TET2: variants seen among roughly 807,000 people sequenced by gnomAD.
The protein encoded by TET2 is tet methylcytosine dioxygenase 2, also known as methylcytosine dioxygenase TET2.
TET2 carries 299 observed loss-of-function variants against 142.9 expected under a neutral mutation model. The ratio of observed to expected loss-of-function variants is 2.09; its 90% CI spans 1.90 to 2.30. The LOEUF is 2.30. Ranked by LOEUF, TET2 falls within the 30% of genes most tolerant of loss-of-function variation. The probability of loss-of-function intolerance (pLI) is 0.00; values close to 1 mark genes in which losing one functional copy is unlikely to be tolerated. For synonymous variants in TET2, 819 were observed against 849.0 expected (o/e 0.96, Z 0.61); for missense variants, 2,418 against 2,378.0 (o/e 1.02, Z -0.35).
At position 105,279,149 on chromosome 4, in the gene TET2, A is replaced by G. The variant is rs1364405005; in HGVS notation, c.*2630A>G. ...ACCACATGATTTTAATGTTTTTTGTATACCATAATATCTAGCCCCAAACAT... is the reference window on the plus strand; with the variant it reads ...ACCACATGATTTTAATGTTTTTTGTGTACCATAATATCTAGCCCCAAACAT... On this transcript the variant is annotated 3_prime_UTR_variant, in exon 11 of 11. Coordinates refer to ENST00000380013, the MANE Select transcript of TET2 (RefSeq NM_001127208.3). 8.6e-6 allele frequency: 2 copies of G among 232,420 alleles called. No homozygotes were observed. Among genetic ancestry groups the G allele is most frequent in the Non-Finnish European group, 1.7e-5 (2 of 117,658 alleles). The allele number at this position is 232,420 out of a possible 1,614,324, so 14.4% of individuals were successfully genotyped here.
At chr4:105,186,181 G>T (rs925999071) in intron 1 of TET2, among the ~76,000 whole-genome samples, 1 of 152,110 alleles carries the variant, frequency 6.6e-6, no homozygotes, top group African/African-American at 2.4e-5. Context: ...AGTGAGCCGA[G>T]ATCGTGCCAC....
In TET2 at chr4:105,242,991, CCT is replaced by C. The variant is rs1421048320; in HGVS notation, c.3594+65_3594+66del. On this transcript the variant is annotated intron_variant, in intron 5 of 10. Coordinates refer to ENST00000380013, the MANE Select transcript of TET2 (RefSeq NM_001127208.3). ...GGGCATTTTGATTTGTAAATCTGACCCTGAGAATTGGGTTACCCAGATCAAAG... is the reference window on the plus strand; with the variant it reads ...GGGCATTTTGATTTGTAAATCTGACCGAGAATTGGGTTACCCAGATCAAAG... 2.1e-5 allele frequency: 29 copies of C among 1,353,020 alleles called. No homozygotes were observed. In the African/African-American group the frequency reaches 3.8e-4, roughly 18 times the overall value. The allele number at this position is 1,353,020 out of a possible 1,614,324, so 83.8% of individuals were successfully genotyped here.
At chr4:105,270,674 TTATATATATATATA>T (rs3055846) in intron 9 of TET2, among the ~76,000 whole-genome samples, 1 of 149,360 alleles carries the variant, frequency 6.7e-6, no homozygotes, top group African/African-American at 2.4e-5. Flanking sequence ...TAGATACATG[TTATATATATATATA>T]TATATATATA....
At chr4:105,206,023 C>A (rs1726802316) in intron 2 of TET2, among the ~76,000 whole-genome samples, 1 of 152,144 alleles carries the variant, frequency 6.6e-6, no homozygotes, top group Admixed American at 6.5e-5. Flanking sequence ...AGGTCATGCC[C>A]ACCCCACAAC....
chr4:105,167,265 A>G (rs1724199974), intron 1 of TET2, among the ~76,000 whole-genome samples: 1 of 152,066 alleles, frequency 6.6e-6, no homozygotes, highest in Admixed American at 6.6e-5. Flanking sequence ...AATCATATAA[A>G]ATGTATTAAA....
At chr4:105,192,178 G>T (rs1725828667) in intron 2 of TET2, among the ~76,000 whole-genome samples, 1 of 151,686 alleles carries the variant, frequency 6.6e-6, no homozygotes, top group Non-Finnish European at 1.5e-5. Flanking sequence ...AAGTGCAGAA[G>T]TTTATGGAAA....
intron 6 of TET2, among the ~76,000 whole-genome samples, chr4:105,250,380 ATTTTTTTTTTTTTTTTTT>A (rs59695275): frequency 1.2e-4 from 7 of 60,324 alleles, no homozygotes; most frequent in Admixed American, 8.0e-4. Flanking sequence ...TCCTTTCTGG[ATTTTTTTTTTTTTTTTTT>A]TTTTTTTTTT....
chr4:105,249,650 G>A (rs1192859111), intron 6 of TET2, among the ~76,000 whole-genome samples: 1 of 152,184 alleles, frequency 6.6e-6, no homozygotes, highest in Non-Finnish European at 1.5e-5. Flanking sequence ...TGGGTATGAA[G>A]TTTATCTCGT....
At chr4:105,175,233 G>A (rs1370622106) in intron 1 of TET2, among the ~76,000 whole-genome samples, 1 of 152,122 alleles carries the variant, frequency 6.6e-6, no homozygotes, top group Non-Finnish European at 1.5e-5. Context: ...CACTGAATAA[G>A]CATCAGAAGC....
intron 2 of TET2, among the ~76,000 whole-genome samples, chr4:105,206,298 C>T (rs1726820666): frequency 6.6e-6 from 1 of 152,234 alleles, no homozygotes; most frequent in Non-Finnish European, 1.5e-5. Flanking sequence ...CCCATGTTTC[C>T]TAAAGCCTCC....
At chr4:105,258,541 G>A (rs556821621) in intron 6 of TET2, among the ~76,000 whole-genome samples, 1 of 152,124 alleles carries the variant, frequency 6.6e-6, no homozygotes, top group South Asian at 2.1e-4. Flanking sequence ...TTACTTTTAG[G>A]CTTTTTTAAT....
At chr4:105,191,385 G>A (rs2110483537) in intron 2 of TET2, among the ~76,000 whole-genome samples, 1 of 152,248 alleles carries the variant, frequency 6.6e-6, no homozygotes, top group African/African-American at 2.4e-5. Context: ...TGTCTAAAAT[G>A]TTTAAGATGA....
chr4:105,270,187 A>G (rs1344861361), intron 9 of TET2, among the ~76,000 whole-genome samples: 2 of 152,214 alleles, frequency 1.3e-5, no homozygotes, highest in Non-Finnish European at 2.9e-5. Context: ...GCATTCGGTT[A>G]GAGTAATATG....
chr4:105,171,105 C>T (rs529109439), intron 1 of TET2, among the ~76,000 whole-genome samples: 1 of 152,048 alleles, frequency 6.6e-6, no homozygotes, highest in African/African-American at 2.4e-5. Flanking sequence ...GTGCAGTTTT[C>T]TTCCTGCTGT....
chr4:105,256,156 C>CA (rs918096576), intron 6 of TET2, among the ~76,000 whole-genome samples: 3 of 151,932 alleles, frequency 2.0e-5, no homozygotes, highest in Admixed American at 6.6e-5. Context: ...AAAATAGTTA[C>CA]AAAAAAATAC....
rs1003977285 is a variant in TET2, at chr4:105,226,466, T to C, written c.-46-7431T>C. ...TCCTGTTGAAATATAATCCCCAGTG[T>C]TGGAGGTGGGGGCCTGGTGGGAAGT... is the stretch of plus-strand genomic sequence containing the variant. On this transcript the variant is annotated intron_variant, in intron 2 of 10. Transcript: ENST00000380013. 3.3e-5 allele frequency among the ~76,000 whole-genome samples: 5 copies of C among 152,152 alleles called. No individual in the cohort carries two copies. In the South Asian group the frequency reaches 1.0e-3, roughly 31 times the overall value.
rs904812983 is a variant in TET2 at position 105,259,660 on chromosome 4, G to T, written c.3845G>T (p.Gly1282Val). 1 of 1,551,082 alleles carries T rather than the reference G, an allele frequency of 6.4e-7. No individual in the cohort carries two copies. The highest frequency in any genetic ancestry group is 8.7e-7 in the Non-Finnish European group (1 of 1,146,514). Residue 1282 changes from glycine to valine, a missense_variant, in exon 7 of 11, where the codon GGT becomes GTT. Transcript: ENST00000380013. ...ACQGLDPETC[G>V]ASFSFGCSWS... ...CAGGGGCTGGATCCAGAAACCTGTG[G>T]TGCCTCCTTCTCTTTTGGTTGTTCA...
At chr4:105,247,032 T>G (rs981401633) in intron 6 of TET2, among the ~76,000 whole-genome samples, 4 of 152,216 alleles carry the variant, frequency 2.6e-5, no homozygotes, top group African/African-American at 9.6e-5. Context: ...CAGAAATGCC[T>G]TCTGCCATGG....
chr4:105,212,782 G>C (rs184429306), intron 2 of TET2, among the ~76,000 whole-genome samples: 1 of 152,244 alleles, frequency 6.6e-6, no homozygotes, highest in East Asian at 1.9e-4. Flanking sequence ...CTGAAGTCAG[G>C]AGTTCAAAAC....
Sources: gnomAD v4.1 joint callset for allele counts (sites outside exome capture counted in the v4.1 genomes callset) on GRCh38, gnomAD v4.1.1 for gene constraint, MANE v1.5 for transcripts, NCBI Gene and HGNC (gene_info 2026-07-23, HGNC 2026-07-21) for gene names.